Variants in CNTNAP2 observed in about 807,000 individuals in gnomAD.
CNTNAP2 encodes contactin-associated protein-like 2.
CNTNAP2 carries 98 observed loss-of-function variants against 155.2 expected under a neutral mutation model. The ratio of observed to expected loss-of-function variants is 0.63; its 90% CI spans 0.54 to 0.75. CNTNAP2 has a LOEUF of 0.75. CNTNAP2 is among the 30% of genes least tolerant of loss of function. The pLI is 0.00. For synonymous variants in CNTNAP2, 651 were observed against 631.2 expected, an observed-to-expected ratio of 1.03 and a Z score of -0.47; for missense variants, 1,727 against 1,688.1, an observed-to-expected ratio of 1.02 and a Z score of -0.40.
intron 11 of CNTNAP2, among the ~76,000 whole-genome samples, chr7:147,536,917 T>G (rs528347815): frequency 6.6e-6 from 1 of 152,262 alleles, no homozygotes; most frequent in South Asian, 2.1e-4. Context: ...TCTTCTAAAG[T>G]CACATAAAAA....
At chr7:147,163,435 CTACTT>C (rs1039760963) in intron 8 of CNTNAP2, among the ~76,000 whole-genome samples, 5 of 152,112 alleles carry the variant, frequency 3.3e-5, no homozygotes, top group African/African-American at 1.2e-4. Flanking sequence ...ATATTTATAA[CTACTT>C]TAATGAGTTT....
intron 13 of CNTNAP2, among the ~76,000 whole-genome samples, chr7:147,824,413 G>T (rs534168213): frequency 6.6e-6 from 1 of 152,228 alleles, no homozygotes; most frequent in South Asian, 2.1e-4. Context: ...CGGTAGAGTT[G>T]TGTATGAATG....
At chr7:147,151,871 T>G (rs1801834291) in intron 8 of CNTNAP2, among the ~76,000 whole-genome samples, 2 of 152,112 alleles carry the variant, frequency 1.3e-5, no homozygotes, top group African/African-American at 4.8e-5. Flanking sequence ...AGCAGCTGGG[T>G]CTATCTTTGG....
intron 3 of CNTNAP2, among the ~76,000 whole-genome samples, chr7:147,013,323 G>T (rs1798660424): frequency 6.6e-6 from 1 of 152,060 alleles, no homozygotes; most frequent in South Asian, 2.1e-4. Context: ...GGAGGGAAGT[G>T]AAGGAAATAT....
intron 3 of CNTNAP2, among the ~76,000 whole-genome samples, chr7:146,879,852 AAAG>A (rs1261526365): frequency 6.6e-6 from 1 of 152,128 alleles, no homozygotes; most frequent in African/African-American, 2.4e-5. Context: ...TTATAAAGAA[AAAG>A]AAGTTTAATG....
At chr7:146,218,559 G>C (rs1270975096) in intron 1 of CNTNAP2, among the ~76,000 whole-genome samples, 2 of 151,420 alleles carry the variant, frequency 1.3e-5, no homozygotes, top group East Asian at 3.9e-4. Context: ...TTGCCATCAA[G>C]GTTAAAATAA....
intron 22 of CNTNAP2, among the ~76,000 whole-genome samples, chr7:148,385,806 G>A (rs1270681936): frequency 7.1e-6 from 1 of 140,348 alleles, no homozygotes; most frequent in Non-Finnish European, 1.5e-5. Context: ...GGAGTACAAT[G>A]GCACCATTGC....
chr7:146,717,371 T>C (rs934632571), intron 1 of CNTNAP2, among the ~76,000 whole-genome samples: 18 of 136,938 alleles, frequency 1.3e-4, no homozygotes, highest in Non-Finnish European at 1.9e-4. Flanking sequence ...AAAAAAGCCA[T>C]GTGTGGTGGT....
intron 1 of CNTNAP2, among the ~76,000 whole-genome samples, chr7:146,271,634 A>C (rs1800083777): frequency 6.6e-6 from 1 of 151,768 alleles, no homozygotes. Context: ...AAATATTTTT[A>C]ATTTTCTTCA....
intron 3 of CNTNAP2, among the ~76,000 whole-genome samples, chr7:146,952,194 T>A (rs967993308): frequency 9.2e-5 from 14 of 152,156 alleles, no homozygotes; most frequent in Admixed American, 2.0e-4. Context: ...ATAATCTCAA[T>A]AGATGCTGAA....
At position 147,039,979 on chromosome 7, in the gene CNTNAP2, T is replaced by C. The variant is rs137881352; in HGVS notation, c.403-3928T>C. Among the ~76,000 whole-genome samples the C allele has an allele frequency of 5.3e-3, 813 of 152,294 alleles. 3 individuals are homozygous for C. Among genetic ancestry groups the C allele is most frequent in the African/African-American group, 0.019 (787 of 41,570 alleles). Reference sequence around the variant, plus strand: ...TGGGATCTAATTAAACCTAAGAGCTTCTGCACAGCAAAAGAAGCTGTCAAC... The same window carrying C: ...TGGGATCTAATTAAACCTAAGAGCTCCTGCACAGCAAAAGAAGCTGTCAAC... On this transcript the variant is annotated intron_variant, in intron 3 of 23. Transcript: ENST00000361727.
intron 1 of CNTNAP2, among the ~76,000 whole-genome samples, chr7:146,743,086 C>G (rs374628250): frequency 2.6e-5 from 4 of 151,850 alleles, no homozygotes; most frequent in African/African-American, 9.7e-5. Flanking sequence ...GTATTTCATG[C>G]TATTTCTTTT....
At chr7:146,221,049 A>G (rs548249982) in intron 1 of CNTNAP2, among the ~76,000 whole-genome samples, 2 of 152,340 alleles carry the variant, frequency 1.3e-5, no homozygotes, top group East Asian at 3.9e-4. Flanking sequence ...CACTTGCATT[A>G]TACCACAGGT....
intron 13 of CNTNAP2, among the ~76,000 whole-genome samples, chr7:147,854,620 C>T (rs1365446478): frequency 6.6e-6 from 1 of 152,222 alleles, no homozygotes; most frequent in Admixed American, 6.5e-5. Context: ...AGCCCTGCAT[C>T]ATCCAGCACA....
chr7:146,832,133 C>T (rs1217887431), intron 2 of CNTNAP2, among the ~76,000 whole-genome samples: 1 of 152,062 alleles, frequency 6.6e-6, no homozygotes, highest in Non-Finnish European at 1.5e-5. Flanking sequence ...TGTTTATCCC[C>T]CACTGCAAAT....
At chr7:147,002,765 A>G (rs918677394) in intron 3 of CNTNAP2, among the ~76,000 whole-genome samples, 1 of 151,788 alleles carries the variant, frequency 6.6e-6, no homozygotes, top group Non-Finnish European at 1.5e-5. Context: ...GGAAGAATCT[A>G]ACTTGCTCTA....
At chr7:148,385,646 CT>C (rs774218667) in intron 22 of CNTNAP2, among the ~76,000 whole-genome samples, 2 of 150,896 alleles carry the variant, frequency 1.3e-5, no homozygotes, top group Non-Finnish European at 1.5e-5. Context: ...TAATTAGGAA[CT>C]TGTTTGTTAA....
Position 147,388,157 on chromosome 7 carries a change from A to G in CNTNAP2, c.1499-7452A>G, listed in dbSNP as rs114792541. 3.1e-3 allele frequency among the ~76,000 whole-genome samples: 478 copies of G among 151,982 alleles called. 5 individuals carry two copies. The highest frequency in any genetic ancestry group is 0.011 in the African/African-American group (446 of 41,434). On this transcript the variant is annotated intron_variant, in intron 9 of 23. Coordinates refer to ENST00000361727, the MANE Select transcript of CNTNAP2 (RefSeq NM_014141.6). ...ATTCAAAATCTCTTTTTGATACTCA[A>G]ATTATTTATTTTGTATGCAAATTGC...
intron 1 of CNTNAP2, among the ~76,000 whole-genome samples, chr7:146,630,548 TCAC>T: frequency 6.6e-6 from 1 of 152,126 alleles, no homozygotes; most frequent in East Asian, 1.9e-4. Context: ...TTTTGAGGAA[TCAC>T]CACACTGTCT....
Sources: gnomAD v4.1 joint callset for allele counts (sites outside exome capture counted in the v4.1 genomes callset) on GRCh38, gnomAD v4.1.1 for gene constraint, MANE v1.5 for transcripts, NCBI Gene and HGNC (gene_info 2026-07-23, HGNC 2026-07-21) for gene names.